CLVS1: variants seen among roughly 807,000 people sequenced by gnomAD.
CLVS1 encodes the protein clavesin 1.
Under a neutral mutation model 33.1 loss-of-function variants are expected in CLVS1, and 10 were observed. That is an observed-to-expected ratio of 0.30 (90% CI 0.19 to 0.51). CLVS1 has a LOEUF of 0.51. Among genes scored for constraint, CLVS1 ranks in the 20% least tolerant of loss-of-function variants. The pLI is 0.97. For missense variants in CLVS1, 343 were observed against 433.4 expected, an observed-to-expected ratio of 0.79 and a Z score of 1.85; for synonymous variants, 163 against 166.1, an observed-to-expected ratio of 0.98 and a Z score of 0.14.
At chr8:61,237,745 C>T (rs1808598372) in intron 2 of CLVS1, among the ~76,000 whole-genome samples, 1 of 152,168 alleles carries the variant, frequency 6.6e-6, no homozygotes, top group Non-Finnish European at 1.5e-5. Flanking sequence ...AAGCAAAGGC[C>T]TGTGTACTAC....
the CLVS1 span, among the ~76,000 whole-genome samples, chr8:61,025,281 A>G: frequency 6.6e-6 from 1 of 152,226 alleles, no homozygotes; most frequent in African/African-American, 2.4e-5. Context: ...GTAAGAAAAA[A>G]GTTGCCAGAC....
chr8:61,487,403 CTCAGA>C (rs1167227258), intron 5 of CLVS1, among the ~76,000 whole-genome samples: 1 of 152,102 alleles, frequency 6.6e-6, no homozygotes, highest in East Asian at 1.9e-4. Flanking sequence ...AATAACTTAC[CTCAGA>C]TCACAGAGCT....
chr8:61,285,265 G>A (rs563618154), upstream of CLVS1, among the ~76,000 whole-genome samples: 6 of 152,278 alleles, frequency 3.9e-5, no homozygotes, highest in East Asian at 9.6e-4. Flanking sequence ...TTGGGAAATT[G>A]GCTAGATGTG....
At chr8:61,081,150 A>C (rs1805013569) in intron 1 of CLVS1, among the ~76,000 whole-genome samples, 1 of 152,142 alleles carries the variant, frequency 6.6e-6, no homozygotes, top group East Asian at 1.9e-4. Context: ...GTTTCTGAGG[A>C]GGCACTGAAA....
intron 1 of CLVS1, among the ~76,000 whole-genome samples, chr8:61,104,305 CT>C (rs1272058542): frequency 6.6e-6 from 1 of 152,146 alleles, no homozygotes; most frequent in Non-Finnish European, 1.5e-5. Context: ...CTTCAAAGAC[CT>C]TGAGCTGAAA....
chr8:61,052,379 C>A (rs1804399590), upstream of CLVS1, among the ~76,000 whole-genome samples: 1 of 152,092 alleles, frequency 6.6e-6, no homozygotes. Flanking sequence ...AAAAATAAAA[C>A]CATGAAGGGC....
intron 2 of CLVS1, among the ~76,000 whole-genome samples, chr8:61,336,240 T>A (rs965122985): frequency 6.6e-6 from 1 of 152,186 alleles, no homozygotes; most frequent in African/African-American, 2.4e-5. Context: ...TAATTTGAGA[T>A]TCACATTTCC....
At chr8:61,176,685 G>A (rs953017357) in intron 2 of CLVS1, among the ~76,000 whole-genome samples, 9 of 152,260 alleles carry the variant, frequency 5.9e-5, no homozygotes, top group South Asian at 2.1e-4. Context: ...CCATGGAGAG[G>A]AAGGAAGAGC....
At chr8:61,075,109 G>A (rs144361821) in intron 1 of CLVS1, among the ~76,000 whole-genome samples, 2 of 152,264 alleles carry the variant, frequency 1.3e-5, no homozygotes, top group African/African-American at 2.4e-5. Flanking sequence ...GACCCAGGCT[G>A]AAGGGAAGGA....
At chr8:61,047,110 G>GA in the CLVS1 span, among the ~76,000 whole-genome samples, 1 of 151,940 alleles carries the variant, frequency 6.6e-6, no homozygotes, top group Non-Finnish European at 1.5e-5. Flanking sequence ...AAATTTACAA[G>GA]AAAAAAACAA....
chr8:61,118,027 T>C (rs1232169385), intron 1 of CLVS1, among the ~76,000 whole-genome samples: 1 of 152,236 alleles, frequency 6.6e-6, no homozygotes, highest in African/African-American at 2.4e-5. Flanking sequence ...TGGTAAGCTA[T>C]GGATTATTGC....
At chr8:60,967,618 G>A in the CLVS1 span, 198 of 455,756 alleles carry the variant, frequency 4.3e-4, no homozygotes, top group Admixed American at 8.2e-4. Context: ...ATGTGTGGCT[G>A]CCTCTGGCTC....
chr8:61,025,720 G>A, the CLVS1 span, among the ~76,000 whole-genome samples: 1 of 151,998 alleles, frequency 6.6e-6, no homozygotes, highest in Non-Finnish European at 1.5e-5. Flanking sequence ...CTGCATTCTT[G>A]TCAGGGTTTG....
intron 2 of CLVS1, among the ~76,000 whole-genome samples, chr8:61,171,317 A>G (rs1806991704): frequency 6.6e-6 from 1 of 152,226 alleles, no homozygotes; most frequent in South Asian, 2.1e-4. Flanking sequence ...TAATCAGTAT[A>G]AAAAGTATGT....
intron 1 of CLVS1, among the ~76,000 whole-genome samples, chr8:61,078,083 G>A (rs530750792): frequency 6.6e-6 from 1 of 152,338 alleles, no homozygotes; most frequent in East Asian, 1.9e-4. Context: ...GAGCCCCAGT[G>A]CAGGCTTCCC....
intron 2 of CLVS1, among the ~76,000 whole-genome samples, chr8:61,312,306 T>C (rs1337638413): frequency 1.3e-5 from 2 of 152,210 alleles, no homozygotes; most frequent in Non-Finnish European, 2.9e-5. Flanking sequence ...AAACAGCCAC[T>C]GGGAAAGATT....
the CLVS1 span, among the ~76,000 whole-genome samples, chr8:61,029,981 T>G: frequency 6.6e-6 from 1 of 152,188 alleles, no homozygotes; most frequent in Non-Finnish European, 1.5e-5. Flanking sequence ...CGAGGTGTGT[T>G]GCATCTCAGG....
At chr8:61,237,288 G>GA (rs796381560) in intron 2 of CLVS1, among the ~76,000 whole-genome samples, 6 of 150,688 alleles carry the variant, frequency 4.0e-5, no homozygotes, top group African/African-American at 7.3e-5. Flanking sequence ...AATAGGAAAA[G>GA]AAAAAAAAAG....
the CLVS1 span, among the ~76,000 whole-genome samples, chr8:60,987,187 A>G: frequency 6.6e-6 from 1 of 152,210 alleles, no homozygotes; most frequent in African/African-American, 2.4e-5. Flanking sequence ...AGGAGCCGGG[A>G]GGGGAGCCAC....
Sources: gnomAD v4.1 joint callset for allele counts (sites outside exome capture counted in the v4.1 genomes callset) on GRCh38, gnomAD v4.1.1 for gene constraint, MANE v1.5 for transcripts, NCBI Gene and HGNC (gene_info 2026-07-23, HGNC 2026-07-21) for gene names.